The following ZHX3 variants were observed in gnomAD, a reference collection of about 807,000 sequenced individuals.
The protein encoded by ZHX3 is zinc fingers and homeoboxes 3.
ZHX3 carries 20 observed loss-of-function variants against 64.5 expected under a neutral mutation model. The ratio of observed to expected loss-of-function variants is 0.31; its 90% CI spans 0.22 to 0.45. The LOEUF is 0.45. Among genes scored for constraint, ZHX3 ranks in the 20% least tolerant of loss-of-function variants. ZHX3 has a pLI of 1.00. For synonymous variants in ZHX3, 423 were observed against 461.6 expected (o/e 0.92, Z 1.07); for missense variants, 1,041 against 1,195.8 (o/e 0.87, Z 1.91).
At chr20:41,282,399 A>T (rs74577821) in intron 1 of ZHX3, among the ~76,000 whole-genome samples, 18,637 of 121,434 alleles carry the variant, frequency 0.15, 1,416 homozygotes, top group Non-Finnish European at 0.17. Flanking sequence ...TAGCTTTGTC[A>T]CCAGGCTGGA....
In ZHX3 at chr20:41,209,375, T is replaced by C. The variant is rs368750486; in HGVS notation, c.-150-4309A>G. On this transcript the variant is annotated intron_variant, in intron 2 of 3. Coordinates refer to ENST00000683867, the MANE Select transcript of ZHX3 (RefSeq NM_001384317.1). ...ATATGGAACAAAAAAAGAGCCCACA[T>C]TGCCAAGACTATCCTAAGTCAAAAG... 5.1e-4 allele frequency among the ~76,000 whole-genome samples: 77 copies of C among 152,318 alleles called. 1 individual carries two copies. Among genetic ancestry groups the C allele is most frequent in the East Asian group, 4.8e-3 (25 of 5,180 alleles).
chr20:41,242,022 T>G (rs2146453934), intron 2 of ZHX3, among the ~76,000 whole-genome samples: 1 of 152,212 alleles, frequency 6.6e-6, no homozygotes, highest in South Asian at 2.1e-4. Context: ...CACCTGTCAT[T>G]ATTTCAAATT....
rs1422595677 is a variant in ZHX3 at position 41,183,000 on chromosome 20, G to A, written c.*2191C>T. ...AGCAGGATCTGGAGGTGAGGCACTG[G>A]GTGGTTTCTCAGACACCCGGAGATG... is the stretch of plus-strand genomic sequence containing the variant. On this transcript the variant is annotated 3_prime_UTR_variant, in exon 4 of 4. Coordinates refer to ENST00000683867, the MANE Select transcript of ZHX3 (RefSeq NM_001384317.1). The surrounding 1 kb of genome is among the most constrained non-coding windows in gnomAD (Gnocchi z 6.1). 6.6e-6 allele frequency: 1 copy of A among 152,234 alleles called. No individual in the cohort carries two copies. Among genetic ancestry groups the A allele is most frequent in the African/African-American group, 2.4e-5 (1 of 41,432 alleles). The allele number at this position is 152,234 out of a possible 1,614,324, so 9.4% of individuals were successfully genotyped here. A position where few individuals can be genotyped will look rare whatever the true frequency, so the allele number is the denominator to read the frequency against.
rs186063640 is a variant in ZHX3, at chr20:41,267,136, C to T, written c.-151+1854G>A. On this transcript the variant is annotated intron_variant, in intron 2 of 3. Coordinates refer to ENST00000683867, the MANE Select transcript of ZHX3 (RefSeq NM_001384317.1). ...TGCTGGGATTACAGGCGTGAGCCAC[C>T]GGCACCTGGCCTAACCCTCCCAATT... 5.8e-4 allele frequency among the ~76,000 whole-genome samples: 89 copies of T among 152,252 alleles called. 1 individual carries two copies. The highest frequency in any genetic ancestry group is 1.1e-3 in the Non-Finnish European group (76 of 68,026).
chr20:41,262,380 A>G (rs1373345398), intron 2 of ZHX3, among the ~76,000 whole-genome samples: 1 of 152,136 alleles, frequency 6.6e-6, no homozygotes, highest in African/African-American at 2.4e-5. Context: ...GTCCAGCCTC[A>G]TCTCCATCAT....
At chr20:41,279,029 G>A (rs1282705323) in intron 1 of ZHX3, among the ~76,000 whole-genome samples, 1 of 152,040 alleles carries the variant, frequency 6.6e-6, no homozygotes, top group African/African-American at 2.4e-5. Flanking sequence ...TGCCCACCTC[G>A]GCCTCTCAAA....
In ZHX3 at chr20:41,181,772, G is replaced by A. The variant is rs939427782; in HGVS notation, c.*3419C>T. On this transcript the variant is annotated 3_prime_UTR_variant, in exon 4 of 4. Coordinates refer to ENST00000683867, the MANE Select transcript of ZHX3 (RefSeq NM_001384317.1). ...TTTCCTGGTGGGACGGCCTCCCAAG[G>A]CTAGCTGGAGATGAGACCACTAGTA... 1 of 152,232 alleles carries A rather than the reference G, an allele frequency of 6.6e-6. No homozygotes were observed. Among genetic ancestry groups the A allele is most frequent in the Non-Finnish European group, 1.5e-5 (1 of 68,082 alleles). The allele number at this position is 152,232 out of a possible 1,614,324, so 9.4% of individuals were successfully genotyped here.
chr20:41,222,859 T>C lies in ZHX3; in HGVS notation c.-150-17793A>G, dbSNP rs553225188. Among the ~76,000 whole-genome samples, 6 of 150,440 alleles carry C rather than the reference T, an allele frequency of 4.0e-5. No homozygotes were observed. In the East Asian group the frequency reaches 9.8e-4, roughly 25 times the overall value. ...TGGGCCAGATAGTTTACAGGCTGAA[T>C]AGCTTGCAGGCTGGTGAGCTCACTT... On this transcript the variant is annotated intron_variant, in intron 2 of 3. Transcript: ENST00000683867.
chr20:41,206,231 A>C (rs1376378594), intron 2 of ZHX3, among the ~76,000 whole-genome samples: 1 of 152,232 alleles, frequency 6.6e-6, no homozygotes, highest in Non-Finnish European at 1.5e-5. Flanking sequence ...TCTAAAAATC[A>C]GAGTGCCTCT....
chr20:41,183,669 G>C lies in ZHX3; in HGVS notation c.*1522C>G, dbSNP rs539781405. 3.1e-4 allele frequency: 48 copies of C among 152,418 alleles called. No homozygotes were observed. The highest frequency in any genetic ancestry group is 1.1e-3 in the African/African-American group (47 of 41,574). 9.4% of individuals were successfully genotyped at this position (152,418 alleles called of 1,614,324 possible). Reference sequence around the variant, plus strand: ...ACTCTGCCCAGCCCAGGAGGTGTCTGTGCCCACGAAGCCTGGTACTTGTGG... The same window carrying C: ...ACTCTGCCCAGCCCAGGAGGTGTCTCTGCCCACGAAGCCTGGTACTTGTGG... On this transcript the variant is annotated 3_prime_UTR_variant, in exon 4 of 4. Coordinates refer to ENST00000683867, the MANE Select transcript of ZHX3 (RefSeq NM_001384317.1). This position sits in a 1 kb window ranked among gnomAD's most constrained non-coding sequence, Gnocchi z 5.3.
intron 3 of ZHX3, among the ~76,000 whole-genome samples, chr20:41,189,972 T>C (rs2036866376): frequency 6.6e-6 from 1 of 152,000 alleles, no homozygotes; most frequent in Non-Finnish European, 1.5e-5. Flanking sequence ...ATTTATGGCC[T>C]TTACTATCTT....
At chr20:41,263,627 G>C (rs2042675659) in intron 2 of ZHX3, among the ~76,000 whole-genome samples, 1 of 152,082 alleles carries the variant, frequency 6.6e-6, no homozygotes, top group African/African-American at 2.4e-5. Context: ...ACGAACTCCT[G>C]AGCTCAGGCA....
At chr20:41,206,004 CA>C (rs2038681000) in intron 2 of ZHX3, among the ~76,000 whole-genome samples, 1 of 152,222 alleles carries the variant, frequency 6.6e-6, no homozygotes, top group South Asian at 2.1e-4. Context: ...TGCTGTTCTG[CA>C]GCCTCCATTG....
intron 2 of ZHX3, chr20:41,267,634 A>G (rs1290016881): frequency 6.6e-6 from 1 of 152,238 alleles, no homozygotes; most frequent in Non-Finnish European, 1.5e-5. Flanking sequence ...ATAGAGAAGG[A>G]TAGAGTGATT....
Position 41,203,742 on chromosome 20 carries a change from T to C in ZHX3, c.1175A>G (p.Asn392Ser). Residue 392 changes from asparagine to serine, a missense_variant, in exon 3 of 4, where the codon AAT (asparagine) becomes AGT (serine). Around this residue, in one of 4 missense-constraint regions of ZHX3, gnomAD observed 649 missense variants for 739.8 expected, o/e 0.88. Coordinates refer to ENST00000683867, the MANE Select transcript of ZHX3 (RefSeq NM_001384317.1). This position sits in a 1 kb window ranked among gnomAD's most constrained non-coding sequence, Gnocchi z 7.1. ...GCCAGCACTGGCGACGAGTGGGGTA[T>C]TTAGAACCGTAATTGTGGGCTGAGG... is the stretch of plus-strand genomic sequence containing the variant. ...SVPQPTITVLNTPLVASAGNV... is the reference protein window; with the variant it reads ...SVPQPTITVLSTPLVASAGNV... 2 of 1,614,104 alleles carry C rather than the reference T, an allele frequency of 1.2e-6. No homozygotes were observed. The highest frequency in any genetic ancestry group is 1.7e-6 in the Non-Finnish European group (2 of 1,179,996).
chr20:41,227,058 C>A (rs2040316591), intron 2 of ZHX3, among the ~76,000 whole-genome samples: 1 of 152,216 alleles, frequency 6.6e-6, no homozygotes, highest in South Asian at 2.1e-4. Context: ...TCAGCCTTAT[C>A]ATTACAGCCA....
At position 41,194,755 on chromosome 20, in the gene ZHX3, T is replaced by C. The variant is rs533183704; in HGVS notation, c.2860+7302A>G. On this transcript the variant is annotated intron_variant, in intron 3 of 3. Transcript: ENST00000683867. Reference sequence around the variant, plus strand: ...CCAGTTATTGATATATTTTGGTTTTTTATTTATTTGTCAGTTGATTTTGGG... The same window carrying C: ...CCAGTTATTGATATATTTTGGTTTTCTATTTATTTGTCAGTTGATTTTGGG... Among the ~76,000 whole-genome samples the C allele has an allele frequency of 2.6e-5, 4 of 152,334 alleles. No individual in the cohort carries two copies. The South Asian group carries it at 8.3e-4, about 32-fold the overall frequency.
Position 41,203,623 on chromosome 20 carries a change from T to A in ZHX3, c.1294A>T (p.Met432Leu). Residue 432 changes from methionine to leucine, a missense_variant, in exon 3 of 4, where the codon ATG becomes TTG. This residue lies in a region of ZHX3 where 649 missense variants were observed against 739.8 expected (regional missense o/e 0.88). Transcript: ENST00000683867. This position sits in a 1 kb window ranked among gnomAD's most constrained non-coding sequence, Gnocchi z 7.1. ...GGGLLVTQPL[M>L]ANGLQATSSP... ...CTTGTTGCTTGCAACCCATTGGCCA[T>A]CAATGGCTGAGTGACCAGAAGTCCC... 6.2e-7 allele frequency: 1 copy of A among 1,614,164 alleles called. No individual in the cohort carries two copies. Among genetic ancestry groups the A allele is most frequent in the Non-Finnish European group, 8.5e-7 (1 of 1,180,016 alleles).
At chr20:41,257,718 T>G (rs529148279) in intron 2 of ZHX3, among the ~76,000 whole-genome samples, 22 of 151,270 alleles carry the variant, frequency 1.5e-4, no homozygotes, top group East Asian at 1.4e-3. Flanking sequence ...TTCAAGCAAT[T>G]CTCCTGCCTC....
Sources: allele counts gnomAD v4.1 joint callset (sites outside exome capture counted in the v4.1 genomes callset), GRCh38; gene constraint gnomAD v4.1.1; regional missense constraint gnomAD v4.1.1; non-coding constraint Gnocchi (gnomAD v3.1); transcripts MANE v1.5; gene names NCBI Gene and HGNC (gene_info 2026-07-23, HGNC 2026-07-21).